Variants in DPH7 observed in about 807,000 individuals in gnomAD.
DPH7 encodes the protein diphthamide biosynthesis 7.
Under a neutral mutation model 41.7 loss-of-function variants are expected in DPH7, and 44 were observed. The observed-to-expected ratio is 1.05, with a 90% CI of 0.83 to 1.36. The LOEUF is 1.36. Ranked by LOEUF, DPH7 falls within the 40% of genes most tolerant of loss-of-function variation. The pLI is 0.00. For missense variants in DPH7, 629 were observed against 577.5 expected, an observed-to-expected ratio of 1.09 and a Z score of -0.91; for synonymous variants, 275 against 238.0, an observed-to-expected ratio of 1.16 and a Z score of -1.43.
intron 4 of DPH7, 168 bp downstream of exon 4, chr9:137,574,584 T>C (rs1049255130): frequency 1.2e-6 from 1 of 836,126 alleles, no homozygotes; most frequent in Non-Finnish European, 1.9e-6. Flanking sequence ...ACTATCGCTA[T>C]GTATCTAAAA....
At position 137,574,190 on chromosome 9, in the gene DPH7, C is replaced by A. The variant is rs1313654723; in HGVS notation, c.640+18G>T. ...CAGCAAGCCTTCCATCAGAGGTGACCGGTGGAGGAATACTGACCTGAATAC... is the reference window on the plus strand; with the variant it reads ...CAGCAAGCCTTCCATCAGAGGTGACAGGTGGAGGAATACTGACCTGAATAC... On this transcript the variant is annotated intron_variant, in intron 5 of 8. Coordinates refer to ENST00000277540, the MANE Select transcript of DPH7 (RefSeq NM_138778.5). 4 of 1,610,218 alleles carry A rather than the reference C, an allele frequency of 2.5e-6. No individual in the cohort carries two copies. Among genetic ancestry groups the A allele is most frequent in the Non-Finnish European group, 3.4e-6 (4 of 1,177,218 alleles).
Position 137,574,282 on chromosome 9 carries a change from GC to G in DPH7, c.565del (p.Ala189ProfsTer32). The G allele has an allele frequency of 6.2e-7, 1 of 1,614,182 alleles. No homozygotes were observed. Among genetic ancestry groups the G allele is most frequent in the African/African-American group, 1.3e-5 (1 of 75,052 alleles). ...CTCGAATTGATGTGCCTGCCATGAGGCCACTTTCTGCAGCCTGGGCCTCGTC... is the reference window on the plus strand; with the variant it reads ...CTCGAATTGATGTGCCTGCCATGAGGCACTTTCTGCAGCCTGGGCCTCGTC... ...NETRPRLQKV[A>X]SWQAHQFEAW... On this transcript the variant is annotated frameshift_variant, in exon 5 of 9. Coordinates refer to ENST00000277540, the MANE Select transcript of DPH7 (RefSeq NM_138778.5). LOFTEE classifies it high-confidence loss of function.
intron 1 of DPH7, 100 bp from the exon 2 acceptor site, chr9:137,577,703 AAAG>A: frequency 6.9e-7 from 1 of 1,438,994 alleles, no homozygotes; most frequent in Non-Finnish European, 9.5e-7. Context: ...TGCCATGACT[AAAG>A]GAGTGGAATT....
intron 5 of DPH7, among the ~76,000 whole-genome samples, chr9:137,569,651 A>T (rs532934269): frequency 3.3e-5 from 4 of 122,890 alleles, no homozygotes; most frequent in African/African-American, 1.3e-4. Context: ...TCCACCATCC[A>T]TCCACCATCC....
Position 137,556,522 on chromosome 9 carries a change from T to C in DPH7, c.950-874A>G, listed in dbSNP as rs1837529946. 1 of 284,374 alleles carries C rather than the reference T, an allele frequency of 3.5e-6. No individual in the cohort carries two copies. Among genetic ancestry groups the C allele is most frequent in the Non-Finnish European group, 7.0e-6 (1 of 142,964 alleles). The allele number at this position is 284,374 out of a possible 1,614,324, so 17.6% of individuals were successfully genotyped here. A position where few individuals can be genotyped will look rare whatever the true frequency, so the allele number is the denominator to read the frequency against. On this transcript the variant is annotated intron_variant, in intron 8 of 8. Transcript: ENST00000277540. This position sits in a 1 kb window ranked among gnomAD's most constrained non-coding sequence, Gnocchi z 5.2. ...GGCTGAGGGCAGAACAGGACCGCAC[T>C]GGATTACAAAACGTGCCGAGGTTGT...
At chr9:137,555,738 C>T in intron 8 of DPH7, 90 bp from the exon 9 acceptor site, 1 of 1,394,250 alleles carries the variant, frequency 7.2e-7, no homozygotes, top group Non-Finnish European at 9.6e-7. Flanking sequence ...ACTCCAAGAA[C>T]AGCCCCTCAC....
Position 137,577,613 on chromosome 9 carries a change from A to G in DPH7, c.154-10T>C. On this transcript the variant is annotated splice_polypyrimidine_tract_variant and intron_variant, in intron 1 of 8. Coordinates refer to ENST00000277540, the MANE Select transcript of DPH7 (RefSeq NM_138778.5). ...TAACTTCCATTCCACCCTACAAAAA[A>G]TGCAGAGGTAGTCTCTGATTATCCC... 1.2e-6 allele frequency: 2 copies of G among 1,612,448 alleles called. No individual in the cohort carries two copies. The highest frequency in any genetic ancestry group is 1.7e-6 in the Non-Finnish European group (2 of 1,179,276).
intron 3 of DPH7, 30 bp downstream of exon 3, chr9:137,576,050 T>G (rs1303437981): frequency 6.2e-7 from 1 of 1,613,750 alleles, no homozygotes; most frequent in Non-Finnish European, 8.5e-7. Flanking sequence ...AGGTCCCTTC[T>G]GCCCCACAGA....
In DPH7 at chr9:137,569,320, C is replaced by T. The variant is rs1419474807; in HGVS notation, c.641-4166G>A. On this transcript the variant is annotated intron_variant, in intron 5 of 8. Transcript: ENST00000277540. Reference sequence around the variant, plus strand: ...CCATCCACCCATGCCCCCACCCACCCCCCACCCACCTTCCATCCATCTACC... The same window carrying T: ...CCATCCACCCATGCCCCCACCCACCTCCCACCCACCTTCCATCCATCTACC... Among the ~76,000 whole-genome samples, 3 of 112,586 alleles carry T rather than the reference C, an allele frequency of 2.7e-5. No individual in the cohort carries two copies. In the Admixed American group the frequency reaches 2.7e-4, roughly 10 times the overall value. 73.9% of individuals were successfully genotyped at this position (112,586 alleles called of 152,430 possible). A position where few individuals can be genotyped will look rare whatever the true frequency, so the allele number is the denominator to read the frequency against.
At chr9:137,564,377 G>T in intron 8 of DPH7, 57 bp downstream of exon 8, 3 of 1,561,896 alleles carry the variant, frequency 1.9e-6, no homozygotes, top group South Asian at 1.2e-5. Context: ...AGCAGAGCGA[G>T]GGGGCAGGGA....
intron 8 of DPH7, among the ~76,000 whole-genome samples, chr9:137,564,113 G>C (rs369430644): frequency 6.6e-6 from 1 of 152,180 alleles, no homozygotes; most frequent in Admixed American, 6.5e-5. Flanking sequence ...GCACAGACAA[G>C]GATGGTTATG....
intron 3 of DPH7, chr9:137,575,590 A>G: frequency 1.0e-6 from 1 of 1,001,642 alleles, no homozygotes; most frequent in Non-Finnish European, 1.2e-6. Context: ...GGCTGTTTAC[A>G]TCACCCCACT....
intron 5 of DPH7, among the ~76,000 whole-genome samples, chr9:137,569,727 C>T (rs1242245111): frequency 3.4e-5 from 5 of 146,688 alleles, no homozygotes; most frequent in Admixed American, 6.8e-5. Flanking sequence ...ATGATCCATC[C>T]ATCCATCCAT....
Position 137,577,775 on chromosome 9 carries a change from G to T in DPH7, c.154-172C>A, listed in dbSNP as rs1244101045. ...TGGAGAAACGTCTATTAATGAGTAGGTGAACACTCCTGGACCCAGTAGAGA... is the reference window on the plus strand; with the variant it reads ...TGGAGAAACGTCTATTAATGAGTAGTTGAACACTCCTGGACCCAGTAGAGA... On this transcript the variant is annotated intron_variant, in intron 1 of 8. Coordinates refer to ENST00000277540, the MANE Select transcript of DPH7 (RefSeq NM_138778.5). Among the ~76,000 whole-genome samples the T allele has an allele frequency of 2.6e-5, 4 of 152,326 alleles. No individual in the cohort carries two copies. In the South Asian group the frequency reaches 8.3e-4, roughly 32 times the overall value.
In DPH7 at chr9:137,578,884, GC is replaced by G; in HGVS notation, c.-108del. 2.5e-6 allele frequency: 3 copies of G among 1,180,210 alleles called. No homozygotes were observed. The highest frequency in any genetic ancestry group is 6.5e-5 in the East Asian group (2 of 30,940). The allele number at this position is 1,180,210 out of a possible 1,614,324, so 73.1% of individuals were successfully genotyped here. On this transcript the variant is annotated 5_prime_UTR_variant, in exon 1 of 9. Transcript: ENST00000277540. The stretch of plus-strand genomic sequence containing the variant: ...CCGGGGCCGGCCGGACGAGCGCAGA[GC>G]CCCAGGGACACCGTCAGCGCGGGCC...
At position 137,554,994 on chromosome 9, in the gene DPH7, T is replaced by C; in HGVS notation, c.*245A>G. The C allele has an allele frequency of 2.4e-6, 1 of 411,868 alleles. No homozygotes were observed. 25.5% of individuals were successfully genotyped at this position (411,868 alleles called of 1,614,324 possible). A position where few individuals can be genotyped will look rare whatever the true frequency, so the allele number is the denominator to read the frequency against. On this transcript the variant is annotated 3_prime_UTR_variant, in exon 9 of 9. Coordinates refer to ENST00000277540, the MANE Select transcript of DPH7 (RefSeq NM_138778.5). ...ATCTGCCTGAGAAACTTAACAAATC[T>C]GCAAGCTGGAAACCGCGTCTTTTCC...
intron 5 of DPH7, among the ~76,000 whole-genome samples, chr9:137,569,119 G>C (rs1419394367): frequency 6.6e-6 from 1 of 152,030 alleles, no homozygotes; most frequent in East Asian, 1.9e-4. Flanking sequence ...GGCACCTGAA[G>C]GAAGGGAAGC....
chr9:137,561,537 C>T (rs1341422367), intron 8 of DPH7, among the ~76,000 whole-genome samples: 1 of 98,696 alleles, frequency 1.0e-5, no homozygotes, highest in Admixed American at 1.3e-4. Flanking sequence ...AGCGAGACTC[C>T]ATCTCAAAAA....
chr9:137,575,284 A>C (rs1841186666), intron 3 of DPH7: 2 of 994,142 alleles, frequency 2.0e-6, no homozygotes, highest in South Asian at 4.5e-5. Flanking sequence ...AGAAGCCGCG[A>C]GCAGCCATGA....
Sources: allele counts gnomAD v4.1 joint callset (sites outside exome capture counted in the v4.1 genomes callset), GRCh38; gene constraint gnomAD v4.1.1; non-coding constraint Gnocchi (gnomAD v3.1); transcripts MANE v1.5; gene names NCBI Gene and HGNC (gene_info 2026-07-23, HGNC 2026-07-21).